The following METTL24 variants were observed in gnomAD, a reference collection of about 807,000 sequenced individuals.
The protein encoded by METTL24 is methyltransferase like 24.
A neutral mutation model predicts 32.7 loss-of-function variants in METTL24; 29 were observed. That is an observed-to-expected ratio of 0.89 (90% CI 0.66 to 1.21). The LOEUF (loss-of-function observed/expected upper bound fraction) is 1.21, where lower values mean the gene tolerates loss of function less well. Among genes scored for constraint, METTL24 ranks in the 50% most tolerant of loss-of-function variants. METTL24 has a pLI of 0.00. For synonymous variants in METTL24, 163 were observed against 179.5 expected, an observed-to-expected ratio of 0.91 and a Z score of 0.73; for missense variants, 439 against 468.1, an observed-to-expected ratio of 0.94 and a Z score of 0.57.
chr6:110,309,210 G>T (rs1289367435), intron 3 of METTL24, among the ~76,000 whole-genome samples: 1 of 152,106 alleles, frequency 6.6e-6, no homozygotes, highest in Middle Eastern at 3.2e-3. Context: ...GAAGGCAGAG[G>T]GTTAGAAGAG....
chr6:110,258,950 A>G (rs1778437065), intron 4 of METTL24, among the ~76,000 whole-genome samples: 1 of 152,172 alleles, frequency 6.6e-6, no homozygotes, highest in African/African-American at 2.4e-5. Flanking sequence ...ATATTTTAGA[A>G]AGAATCACAG....
At chr6:110,279,471 C>T (rs537661010) in intron 4 of METTL24, among the ~76,000 whole-genome samples, 1 of 152,132 alleles carries the variant, frequency 6.6e-6, no homozygotes, top group South Asian at 2.1e-4. Context: ...GGTAATTTAG[C>T]AAAGCATATA....
intron 4 of METTL24, among the ~76,000 whole-genome samples, chr6:110,259,329 T>G (rs771353943): frequency 7.2e-5 from 11 of 152,208 alleles, no homozygotes; most frequent in Admixed American, 4.6e-4. Flanking sequence ...ATCCCACGCC[T>G]GGCTCAGAGG....
At chr6:110,350,153 A>G (rs189023884) in intron 1 of METTL24, among the ~76,000 whole-genome samples, 1 of 152,354 alleles carries the variant, frequency 6.6e-6, no homozygotes, top group Admixed American at 6.5e-5. Context: ...TGTTTCTTAG[A>G]AAGGCAGAGA....
At chr6:110,322,679 G>A (rs1771948418) in intron 2 of METTL24, 95 bp downstream of exon 2, 2 of 950,474 alleles carry the variant, frequency 2.1e-6, no homozygotes, top group South Asian at 3.1e-5. Flanking sequence ...GTCCTCATCA[G>A]GAGTCGCTGA....
intron 1 of METTL24, among the ~76,000 whole-genome samples, chr6:110,332,074 A>C (rs1379430946): frequency 6.6e-6 from 1 of 152,226 alleles, no homozygotes; most frequent in African/African-American, 2.4e-5. Context: ...GCAGCATGAC[A>C]CAGAGGGTAG....
chr6:110,265,883 T>TCCTCCTCCTCCTC (rs1554211646), intron 4 of METTL24, among the ~76,000 whole-genome samples: 31 of 150,042 alleles, frequency 2.1e-4, no homozygotes, highest in East Asian at 3.9e-4. Context: ...TCCTTCTTCC[T>TCCTCCTCCTCCTC]CTTCCTCCTC....
rs961639045 is a variant in METTL24, at chr6:110,250,555, C to G, written c.787-4295G>C. On this transcript the variant is annotated intron_variant, in intron 4 of 4. Coordinates refer to ENST00000338882, the MANE Select transcript of METTL24 (RefSeq NM_001123364.3). ...GGGGGAGACACAATTCAACCCATAACAGTGTTTGGGGTAGCTTTTGCAATA... is the reference window on the plus strand; with the variant it reads ...GGGGGAGACACAATTCAACCCATAAGAGTGTTTGGGGTAGCTTTTGCAATA... 2.0e-5 allele frequency among the ~76,000 whole-genome samples: 3 copies of G among 151,910 alleles called. 1 individual carries two copies. The highest frequency in any genetic ancestry group is 4.4e-5 in the Non-Finnish European group (3 of 67,896).
At chr6:110,275,614 C>T (rs778263248) in intron 4 of METTL24, among the ~76,000 whole-genome samples, 2 of 152,108 alleles carry the variant, frequency 1.3e-5, no homozygotes, top group Non-Finnish European at 2.9e-5. Flanking sequence ...TCCTAGAGAC[C>T]ATGATGTCTT....
rs746488788 is a variant in METTL24, at chr6:110,284,772, G to A, written c.786+14150C>T. Among the ~76,000 whole-genome samples, 25 of 151,634 alleles carry A rather than the reference G, an allele frequency of 1.6e-4. No individual in the cohort carries two copies. The South Asian group carries it at 2.5e-3, about 15-fold the overall frequency. ...ATTTTTTTAGTCTTATTTCTCTTCCGCTACTTATACTACAGTATAATCTGT... is the reference window on the plus strand; with the variant it reads ...ATTTTTTTAGTCTTATTTCTCTTCCACTACTTATACTACAGTATAATCTGT... On this transcript the variant is annotated intron_variant, in intron 4 of 4. Coordinates refer to ENST00000338882, the MANE Select transcript of METTL24 (RefSeq NM_001123364.3).
chr6:110,294,237 G>A (rs190683344), intron 4 of METTL24, among the ~76,000 whole-genome samples: 12 of 151,572 alleles, frequency 7.9e-5, no homozygotes, highest in East Asian at 1.9e-4. Flanking sequence ...AATATGTGAC[G>A]GTTCATTATA....
intron 4 of METTL24, among the ~76,000 whole-genome samples, chr6:110,266,344 A>G (rs150911922): frequency 0.017 from 2,642 of 152,250 alleles, 33 homozygotes; most frequent in Middle Eastern, 0.054. Flanking sequence ...CATTATTGGG[A>G]TTTCAAAGCT....
At chr6:110,254,458 G>T (rs1383107405) in intron 4 of METTL24, among the ~76,000 whole-genome samples, 1 of 151,874 alleles carries the variant, frequency 6.6e-6, no homozygotes, top group African/African-American at 2.4e-5. Flanking sequence ...ATGGCAAAAT[G>T]CTGTCTCTAC....
intron 3 of METTL24, among the ~76,000 whole-genome samples, chr6:110,302,495 GTA>G (rs1344232010): frequency 8.2e-6 from 1 of 122,242 alleles, no homozygotes; most frequent in African/African-American, 3.7e-5. Flanking sequence ...ACACATATGT[GTA>G]TATATACACA....
intron 4 of METTL24, among the ~76,000 whole-genome samples, chr6:110,272,360 C>G (rs1412875064): frequency 2.6e-5 from 4 of 152,168 alleles, no homozygotes; most frequent in African/African-American, 9.7e-5. Flanking sequence ...TTTTCTTTAT[C>G]CACTAGTTGG....
chr6:110,266,087 T>C (rs1452958404), intron 4 of METTL24, among the ~76,000 whole-genome samples: 1 of 151,930 alleles, frequency 6.6e-6, no homozygotes, highest in Non-Finnish European at 1.5e-5. Flanking sequence ...AATTTTTTTG[T>C]AGAGATGGGG....
intron 3 of METTL24, among the ~76,000 whole-genome samples, chr6:110,302,426 C>T (rs538888440): frequency 2.9e-5 from 4 of 139,496 alleles, no homozygotes; most frequent in South Asian, 2.3e-4. Flanking sequence ...TACACATATA[C>T]ACACACATAT....
intron 1 of METTL24, among the ~76,000 whole-genome samples, chr6:110,351,278 A>G (rs1562246724): frequency 6.6e-6 from 1 of 152,204 alleles, no homozygotes; most frequent in Non-Finnish European, 1.5e-5. Flanking sequence ...TATTACATAT[A>G]CCTAGATCTT....
At chr6:110,357,712 C>A (rs1772726892) in intron 1 of METTL24, 4 of 189,708 alleles carry the variant, frequency 2.1e-5, no homozygotes, top group Non-Finnish European at 4.3e-5. Context: ...GGCGCCCGGC[C>A]ACGGCGACCC....
Sources: gnomAD v4.1 joint callset for allele counts (sites outside exome capture counted in the v4.1 genomes callset) on GRCh38, gnomAD v4.1.1 for gene constraint, MANE v1.5 for transcripts, NCBI Gene and HGNC (gene_info 2026-07-23, HGNC 2026-07-21) for gene names.